Variants in TRPM6 observed in about 807,000 individuals in gnomAD.
TRPM6 encodes transient receptor potential cation channel subfamily M member 6, also known as channel kinase 2.
In TRPM6, 111 loss-of-function variants were observed where a neutral mutation model predicts 247.6. That is an observed-to-expected ratio of 0.45 (90% CI 0.38 to 0.52). The LOEUF (loss-of-function observed/expected upper bound fraction) is 0.52. TRPM6 is among the 20% of genes least tolerant of loss of function. TRPM6 has a pLI of 0.00. For synonymous variants in TRPM6, 892 were observed against 853.8 expected (o/e 1.04, Z -0.78); for missense variants, 2,126 against 2,421.5 (o/e 0.88, Z 2.56).
chr9:74,780,028 C>T (rs994997689), intron 23 of TRPM6, among the ~76,000 whole-genome samples: 4 of 151,716 alleles, frequency 2.6e-5, no homozygotes, highest in African/African-American at 7.3e-5. Context: ...AAAAATTAGC[C>T]GGGTGTGGTG....
intron 1 of TRPM6, among the ~76,000 whole-genome samples, chr9:74,872,868 C>T (rs1470387633): frequency 6.6e-6 from 1 of 152,122 alleles, no homozygotes. Context: ...GCCTACATTG[C>T]CTCCCAGGCC....
In TRPM6 at chr9:74,858,649, A is replaced by G. The variant is rs371395030; in HGVS notation, c.113+20T>C. The G allele has an allele frequency of 5.8e-5, 91 of 1,557,716 alleles. No homozygotes were observed. Among genetic ancestry groups the G allele is most frequent in the Non-Finnish European group, 7.9e-5 (89 of 1,130,236 alleles). ...CAGGTAGTGTTGCTTTTAAAAGAAG[A>G]AGGTAATTGAAAATTTTACCTGTGA... On this transcript the variant is annotated intron_variant, in intron 2 of 38. Coordinates refer to ENST00000360774, the MANE Select transcript of TRPM6 (RefSeq NM_017662.5).
rs111956170 is a variant in TRPM6, at chr9:74,797,722, G to A, written c.2239-829C>T. Among the ~76,000 whole-genome samples the A allele has an allele frequency of 2.1e-3, 312 of 152,070 alleles. 5 individuals carry two copies. Among genetic ancestry groups the A allele is most frequent in the African/African-American group, 7.1e-3 (293 of 41,486 alleles). On this transcript the variant is annotated intron_variant, in intron 17 of 38. Transcript: ENST00000360774. ...TATGCATATAAATATGTATTTAAAC[G>A]TTTAAAAATATGTATACTACACTGT...
At chr9:74,817,673 A>G (rs1202889771) in intron 9 of TRPM6, among the ~76,000 whole-genome samples, 1 of 151,340 alleles carries the variant, frequency 6.6e-6, no homozygotes, top group Non-Finnish European at 1.5e-5. Context: ...GCACTTGCTC[A>G]CCCGTTCCCA....
intron 3 of TRPM6, 42 bp from the exon 4 acceptor site, chr9:74,842,385 A>G: frequency 6.3e-7 from 1 of 1,599,132 alleles, no homozygotes; most frequent in South Asian, 1.1e-5. Flanking sequence ...TCAAAATAGA[A>G]AATAGATGCA....
At chr9:74,736,894 T>C (rs965885074) in intron 36 of TRPM6, among the ~76,000 whole-genome samples, 4 of 152,206 alleles carry the variant, frequency 2.6e-5, no homozygotes, top group African/African-American at 7.2e-5. Flanking sequence ...AAAAACCTAT[T>C]CAAGTGGAAT....
intron 1 of TRPM6, among the ~76,000 whole-genome samples, chr9:74,859,795 T>C (rs1041984099): frequency 9.9e-5 from 15 of 150,974 alleles, no homozygotes; most frequent in Admixed American, 5.3e-4. Flanking sequence ...AAAAAGAATA[T>C]GTGTCCATAT....
chr9:74,816,975 G>T lies in TRPM6; in HGVS notation c.1135-11C>A. On this transcript the variant is annotated splice_polypyrimidine_tract_variant and intron_variant, in intron 9 of 38. Coordinates refer to ENST00000360774, the MANE Select transcript of TRPM6 (RefSeq NM_017662.5). ...ATCAAATATGGTAATCTACAACAGT[G>T]AAAAACAGAGAGCCATACATTTGGG... 6.2e-7 allele frequency: 1 copy of T among 1,611,062 alleles called. No individual in the cohort carries two copies. The highest frequency in any genetic ancestry group is 1.1e-5 in the South Asian group (1 of 91,014).
At position 74,808,086 on chromosome 9, in the gene TRPM6, T is replaced by C; in HGVS notation, c.1586A>G (p.Tyr529Cys). ...GAGGGCTCTGAAATGTTTTCTAGTG[T>C]AGTTGCTGCGATATGCTCTACCAAT... Reference protein sequence around the residue: ...YLIGRAYRSNYTRKHFRALYN... With the variant: ...YLIGRAYRSNCTRKHFRALYN... Residue 529 changes from tyrosine (Y) to cysteine (C), a missense_variant, in exon 14 of 39, where the codon TAC becomes TGC. By Grantham distance (194) the Tyr-to-Cys change is radical. This residue lies in a region of TRPM6 where 1,082 missense variants were observed against 1,307.9 expected (regional missense o/e 0.83). Transcript: ENST00000360774. The C allele has an allele frequency of 2.5e-6, 4 of 1,614,010 alleles. No homozygotes were observed. Among genetic ancestry groups the C allele is most frequent in the Non-Finnish European group, 3.4e-6 (4 of 1,179,950 alleles).
chr9:74,733,167 A>T (rs189185795), intron 36 of TRPM6, among the ~76,000 whole-genome samples: 99 of 152,136 alleles, frequency 6.5e-4, no homozygotes, highest in African/African-American at 2.3e-3. Flanking sequence ...ACGCCACTGC[A>T]TTCAAGCCTG....
intron 1 of TRPM6, among the ~76,000 whole-genome samples, chr9:74,883,246 T>C (rs950699486): frequency 5.3e-5 from 8 of 152,318 alleles, no homozygotes; most frequent in Non-Finnish European, 1.0e-4. Flanking sequence ...CCATATTTTG[T>C]TTATCCATCC....
intron 36 of TRPM6, among the ~76,000 whole-genome samples, chr9:74,734,688 C>T (rs765540775): frequency 6.6e-6 from 1 of 152,124 alleles, no homozygotes; most frequent in Non-Finnish European, 1.5e-5. Context: ...TCAAGAACTT[C>T]TTGTGAAGTG....
intron 6 of TRPM6, among the ~76,000 whole-genome samples, chr9:74,830,452 T>C (rs1040884053): frequency 2.0e-5 from 3 of 152,280 alleles, no homozygotes; most frequent in Middle Eastern, 3.4e-3. Flanking sequence ...TGGAGTACAG[T>C]AGTGCCCATC....
chr9:74,863,410 C>T (rs977257901), intron 1 of TRPM6, among the ~76,000 whole-genome samples: 13 of 152,102 alleles, frequency 8.5e-5, no homozygotes, highest in Non-Finnish European at 5.9e-5. Context: ...TGAAATTTCC[C>T]GCTTATGGCA....
intron 17 of TRPM6, among the ~76,000 whole-genome samples, chr9:74,799,079 C>CAA (rs1221919665): frequency 6.6e-6 from 1 of 152,108 alleles, no homozygotes; most frequent in Non-Finnish European, 1.5e-5. Context: ...AGGGTGCAAT[C>CAA]AAAGCAAATC....
At chr9:74,839,441 A>G (rs1251735164) in intron 5 of TRPM6, among the ~76,000 whole-genome samples, 2 of 152,106 alleles carry the variant, frequency 1.3e-5, no homozygotes, top group Non-Finnish European at 1.5e-5. Flanking sequence ...GTTAAAAAAA[A>G]AGTATCTACT....
intron 2 of TRPM6, among the ~76,000 whole-genome samples, chr9:74,857,999 C>T (rs1031603956): frequency 6.6e-6 from 1 of 152,138 alleles, no homozygotes; most frequent in Non-Finnish European, 1.5e-5. Context: ...GTCTATCCTC[C>T]CATCAAGAGG....
At chr9:74,811,348 T>G (rs1473280253) in intron 12 of TRPM6, among the ~76,000 whole-genome samples, 2 of 152,188 alleles carry the variant, frequency 1.3e-5, no homozygotes, top group South Asian at 4.1e-4. Flanking sequence ...TACAAATAAT[T>G]GGTACTCTAG....
In TRPM6 at chr9:74,744,191, T is replaced by A. The variant is rs1441150900; in HGVS notation, c.5084-46A>T. On this transcript the variant is annotated intron_variant, in intron 31 of 38. Transcript: ENST00000360774. ...GGCATTTTAATTACATGGCTGGAGA[T>A]AAATACATGTTTATGAATATATTGC... 7 of 1,569,708 alleles carry A rather than the reference T, an allele frequency of 4.5e-6. No individual in the cohort carries two copies. In the South Asian group the frequency reaches 6.7e-5, roughly 15 times the overall value.
Sources: allele counts gnomAD v4.1 joint callset (sites outside exome capture counted in the v4.1 genomes callset), GRCh38; gene constraint gnomAD v4.1.1; regional missense constraint gnomAD v4.1.1; transcripts MANE v1.5; gene names NCBI Gene and HGNC (gene_info 2026-07-23, HGNC 2026-07-21).